The following ST18 variants were observed in gnomAD, a reference collection of about 807,000 sequenced individuals.
ST18 encodes the protein ST18 C2H2C-type zinc finger transcription factor.
Under a neutral mutation model 110.0 loss-of-function variants are expected in ST18, and 50 were observed. The observed-to-expected ratio is 0.45, with a 90% confidence interval of 0.36 to 0.58. The LOEUF is 0.58. Ranked by LOEUF, ST18 falls within the 20% of genes least tolerant of loss-of-function variation. The pLI, the probability that ST18 is intolerant of heterozygous loss-of-function variation, is 0.00. For missense variants in ST18, 1,306 were observed against 1,280.1 expected (o/e 1.02, Z -0.31); for synonymous variants, 461 against 452.4 (o/e 1.02, Z -0.24).
rs746353622 is a variant in ST18, at chr8:52,118,805, A to AC, written c.2756-365dup. 7.9e-5 allele frequency among the ~76,000 whole-genome samples: 12 copies of AC among 152,230 alleles called. No homozygotes were observed. The East Asian group carries it at 1.9e-3, about 24-fold the overall frequency. ...ACCGAGCCCAGAGAGGTTAAATGAGACCCCAAGAATCACTGACAGAAGTTA... is the reference window on the plus strand; with the variant it reads ...ACCGAGCCCAGAGAGGTTAAATGAGACCCCCAAGAATCACTGACAGAAGTTA... On this transcript the variant is annotated intron_variant, in intron 23 of 25. Coordinates refer to ENST00000689386, the MANE Select transcript of ST18 (RefSeq NM_001352837.2).
intron 2 of ST18, among the ~76,000 whole-genome samples, chr8:52,249,631 A>G (rs1362657735): frequency 2.6e-5 from 4 of 152,142 alleles, no homozygotes; most frequent in Admixed American, 2.0e-4. Flanking sequence ...CCGAAGGTCT[A>G]TTTAATCAGA....
chr8:52,231,715 T>C (rs999459737), intron 2 of ST18, among the ~76,000 whole-genome samples: 1 of 152,196 alleles, frequency 6.6e-6, no homozygotes, highest in Non-Finnish European at 1.5e-5. Flanking sequence ...GACCTCGTGA[T>C]CCGCCAGCCG....
intron 2 of ST18, among the ~76,000 whole-genome samples, chr8:52,245,129 G>T (rs12056669): frequency 0.23 from 34,352 of 151,968 alleles, 4,520 homozygotes; most frequent in African/African-American, 0.36. Context: ...GAAAGAAAAT[G>T]TAAAAGAGGT....
chr8:52,367,106 C>A (rs1828280927), intron 2 of ST18, among the ~76,000 whole-genome samples: 1 of 152,104 alleles, frequency 6.6e-6, no homozygotes, highest in Non-Finnish European at 1.5e-5. Context: ...GTGGTGCATG[C>A]CGGTAATCCC....
intron 13 of ST18, among the ~76,000 whole-genome samples, chr8:52,162,555 C>T (rs1449999544): frequency 1.1e-4 from 17 of 152,064 alleles, no homozygotes; most frequent in Admixed American, 9.8e-4. Context: ...AATATTTTAT[C>T]GATTGAATTG....
intron 15 of ST18, among the ~76,000 whole-genome samples, chr8:52,155,663 A>T (rs1269560139): frequency 6.6e-6 from 1 of 152,154 alleles, no homozygotes; most frequent in Admixed American, 6.5e-5. Flanking sequence ...GAATGTCCAT[A>T]TCATCCTTCG....
chr8:52,139,600 C>T (rs1041421672), intron 17 of ST18, among the ~76,000 whole-genome samples: 20 of 152,298 alleles, frequency 1.3e-4, no homozygotes, highest in African/African-American at 4.8e-4. Context: ...AGGTGATCTG[C>T]CTGCTTCGGC....
chr8:52,239,982 C>CA (rs1358008205), intron 2 of ST18, among the ~76,000 whole-genome samples: 1 of 152,028 alleles, frequency 6.6e-6, no homozygotes, highest in African/African-American at 2.4e-5. Flanking sequence ...TTTGTAGAGA[C>CA]AGAGTTTTGT....
chr8:52,393,333 C>T (rs773871915), intron 2 of ST18, among the ~76,000 whole-genome samples: 10 of 152,236 alleles, frequency 6.6e-5, no homozygotes, highest in Non-Finnish European at 1.0e-4. Context: ...TCACAACAGG[C>T]GAGAGAAATG....
At chr8:52,195,462 A>C (rs905141823) in intron 8 of ST18, among the ~76,000 whole-genome samples, 4 of 152,124 alleles carry the variant, frequency 2.6e-5, no homozygotes, top group African/African-American at 4.8e-5. Flanking sequence ...CTATTAGGAA[A>C]AATTAAACAT....
At chr8:52,132,244 G>A in intron 21 of ST18, 65 bp from the exon 22 acceptor site, 2 of 1,357,792 alleles carry the variant, frequency 1.5e-6, no homozygotes, top group South Asian at 2.8e-5. Flanking sequence ...GCTCTCCAGA[G>A]AACAAACCAT....
chr8:52,211,882 A>G (rs1225474992), intron 8 of ST18, among the ~76,000 whole-genome samples, 197 bp downstream of exon 8: 1 of 152,202 alleles, frequency 6.6e-6, no homozygotes, highest in Non-Finnish European at 1.5e-5. Flanking sequence ...AATACAATAG[A>G]TTGAGTTGTT....
intron 9 of ST18, among the ~76,000 whole-genome samples, chr8:52,176,662 C>G (rs898163857): frequency 2.0e-5 from 3 of 152,178 alleles, no homozygotes; most frequent in Non-Finnish European, 4.4e-5. Flanking sequence ...TTACGTTAAA[C>G]CAAGACCTCT....
chr8:52,315,846 TCTG>T (rs1201031490), intron 2 of ST18, among the ~76,000 whole-genome samples: 1 of 152,218 alleles, frequency 6.6e-6, no homozygotes, highest in Non-Finnish European at 1.5e-5. Flanking sequence ...TGCTCTTTCT[TCTG>T]CTGTTTTTAA....
In ST18 at chr8:52,205,542, A is replaced by G. The variant is rs921612391; in HGVS notation, c.86+6537T>C. On this transcript the variant is annotated intron_variant, in intron 8 of 25. Coordinates refer to ENST00000689386, the MANE Select transcript of ST18 (RefSeq NM_001352837.2). ...GGAAATGGTAGTAGTCTGTTTTTTT[A>G]AAAAAATTTTTTTAATTTTAATTTT... Among the ~76,000 whole-genome samples, 19 of 151,918 alleles carry G rather than the reference A, an allele frequency of 1.3e-4. 1 individual carries two copies.
At chr8:52,332,184 A>T (rs905857221) in intron 2 of ST18, among the ~76,000 whole-genome samples, 14 of 152,120 alleles carry the variant, frequency 9.2e-5, no homozygotes, top group Non-Finnish European at 2.1e-4. Context: ...AAACAACCTA[A>T]ACAGTAATTA....
intron 2 of ST18, among the ~76,000 whole-genome samples, chr8:52,377,060 C>T (rs911401231): frequency 2.0e-5 from 3 of 152,138 alleles, no homozygotes; most frequent in African/African-American, 7.2e-5. Context: ...CACATACACT[C>T]AAAGGTAGAT....
intron 2 of ST18, among the ~76,000 whole-genome samples, chr8:52,234,999 C>T (rs2092399396): frequency 6.6e-6 from 1 of 151,942 alleles, no homozygotes; most frequent in South Asian, 2.1e-4. Context: ...TAAAAGACTA[C>T]AAATTGGGTT....
intron 2 of ST18, chr8:52,248,497 T>C (rs1317025055): frequency 1.3e-5 from 2 of 152,202 alleles, no homozygotes; most frequent in Non-Finnish European, 2.9e-5. Context: ...CTTGTAACAA[T>C]ATCATCCTCT....
Sources: gnomAD v4.1 joint callset for allele counts (sites outside exome capture counted in the v4.1 genomes callset) on GRCh38, gnomAD v4.1.1 for gene constraint, MANE v1.5 for transcripts, NCBI Gene and HGNC (gene_info 2026-07-23, HGNC 2026-07-21) for gene names.